Variants in KIR3DL1 observed in about 807,000 individuals in gnomAD.
KIR3DL1 encodes the protein killer cell immunoglobulin like receptor, three Ig domains and long cytoplasmic tail 1, also known as killer cell immunoglobulin-like receptor 3DL1.
Under a neutral mutation model 40.3 loss-of-function variants are expected in KIR3DL1, and 50 were observed. The ratio of observed to expected loss-of-function variants is 1.24; its 90% CI spans 0.99 to 1.57. The LOEUF is 1.57. Ranked by LOEUF, KIR3DL1 falls within the 40% of genes most tolerant of loss-of-function variation. The pLI is 0.00. For synonymous variants in KIR3DL1, 257 were observed against 207.2 expected, an observed-to-expected ratio of 1.24 and a Z score of -2.07; for missense variants, 661 against 559.9, an observed-to-expected ratio of 1.18 and a Z score of -1.82.
chr19:54,828,095 C>T (rs1468765565), intron 6 of KIR3DL1, among the ~76,000 whole-genome samples: 2 of 150,744 alleles, frequency 1.3e-5, no homozygotes, highest in Non-Finnish European at 2.9e-5. Flanking sequence ...GTCCTTCCCC[C>T]AGCCTCTGAG....
chr19:54,823,539 C>A (rs2061740667), intron 5 of KIR3DL1, among the ~76,000 whole-genome samples: 1 of 151,136 alleles, frequency 6.6e-6, no homozygotes, highest in African/African-American at 2.4e-5. Context: ...TCATAGTCTC[C>A]CAGGCTGGAG....
chr19:54,828,655 C>CT (rs2062034586), intron 6 of KIR3DL1, among the ~76,000 whole-genome samples: 1 of 139,752 alleles, frequency 7.2e-6, no homozygotes, highest in African/African-American at 2.7e-5. Flanking sequence ...GCATGACGTC[C>CT]TCCTCCAGGA....
intron 3 of KIR3DL1, among the ~76,000 whole-genome samples, chr19:54,818,821 A>AGGG (rs2061489576): frequency 6.6e-6 from 1 of 150,988 alleles, no homozygotes; most frequent in African/African-American, 2.4e-5. Flanking sequence ...GTTACAGGGC[A>AGGG]GGGGACTGAA....
chr19:54,820,767 G>C (rs867950010), intron 4 of KIR3DL1, among the ~76,000 whole-genome samples: 2 of 150,992 alleles, frequency 1.3e-5, no homozygotes, highest in South Asian at 2.1e-4. Context: ...GGAGAGAAAA[G>C]CCCCAAAATC....
At position 54,822,651 on chromosome 19, in the gene KIR3DL1, TC is replaced by T. The variant is rs550413823; in HGVS notation, c.949+794del. Among the ~76,000 whole-genome samples the T allele has an allele frequency of 1.3e-4, 20 of 151,048 alleles. 2 individuals are homozygous for T. In the South Asian group the frequency reaches 3.8e-3, roughly 29 times the overall value. ...TCTAAATAAATAAATACATCTATAT[TC>T]TTTTTTTTGTTACCCTCCACCCTTC... is the stretch of plus-strand genomic sequence containing the variant. On this transcript the variant is annotated intron_variant, in intron 5 of 8. Coordinates refer to ENST00000391728, the Ensembl canonical transcript of KIR3DL1.
intron 4 of KIR3DL1, among the ~76,000 whole-genome samples, chr19:54,820,685 A>G (rs1370929366): frequency 1.3e-5 from 2 of 151,386 alleles, no homozygotes; most frequent in East Asian, 1.9e-4. Flanking sequence ...AGCCAGAAGA[A>G]GGAGATTAAG....
intron 6 of KIR3DL1, among the ~76,000 whole-genome samples, chr19:54,828,081 G>A (rs1352442967): frequency 6.7e-6 from 1 of 149,506 alleles, no homozygotes; most frequent in Admixed American, 6.7e-5. Context: ...TAGTCGAGGG[G>A]GTGGTCCTTC....
intron 3 of KIR3DL1, among the ~76,000 whole-genome samples, 167 bp from the exon 4 acceptor site, chr19:54,819,546 G>A (rs2061524435): frequency 1.3e-5 from 2 of 151,338 alleles, no homozygotes; most frequent in South Asian, 4.2e-4. Context: ...GAGGGAGGAA[G>A]ACAGATGGAG....
chr19:54,829,298 A>G (rs1484292676), intron 6 of KIR3DL1, 63 bp from the exon 7 acceptor site: 161 of 1,270,608 alleles, frequency 1.3e-4, no homozygotes, highest in Middle Eastern at 2.0e-4. Context: ...CAAGAAATGC[A>G]AGACAATTCA....
chr19:54,818,368 G>C (rs1403045485), exon 3 of KIR3DL1: 2 of 1,606,020 alleles, frequency 1.2e-6, no homozygotes, highest in Non-Finnish European at 1.7e-6. Context: ...GGTGCCTCGA[G>C]GAGGACACGT....
intron 6 of KIR3DL1, 54 bp downstream of exon 6, chr19:54,825,132 C>T: frequency 8.4e-7 from 1 of 1,193,708 alleles, no homozygotes; most frequent in Non-Finnish European, 1.2e-6. Flanking sequence ...GAGGTGGAAG[C>T]CTTGGATGCA....
intron 2 of KIR3DL1, among the ~76,000 whole-genome samples, chr19:54,818,000 C>T (rs1176455189): frequency 6.7e-6 from 1 of 148,910 alleles, no homozygotes; most frequent in Non-Finnish European, 1.5e-5. Context: ...GGGCTCAGTT[C>T]ATCAATTGGC....
At chr19:54,823,295 C>T (rs1355210661) in intron 5 of KIR3DL1, among the ~76,000 whole-genome samples, 2 of 151,026 alleles carry the variant, frequency 1.3e-5, no homozygotes, top group Non-Finnish European at 2.9e-5. Context: ...CCTCGGTTTC[C>T]CAAAGTGCTG....
chr19:54,824,703 G>A (rs142644053), intron 5 of KIR3DL1, among the ~76,000 whole-genome samples: 6 of 150,862 alleles, frequency 4.0e-5, no homozygotes, highest in Admixed American at 4.0e-4. Flanking sequence ...GCCATTGGAT[G>A]TAAATGCATG....
intron 6 of KIR3DL1, among the ~76,000 whole-genome samples, chr19:54,826,255 A>T (rs1185874770): frequency 5.3e-5 from 8 of 150,060 alleles, no homozygotes; most frequent in African/African-American, 2.0e-4. Context: ...TGAGTGCACA[A>T]GTGGACCAAT....
intron 6 of KIR3DL1, among the ~76,000 whole-genome samples, chr19:54,827,337 A>G (rs1407295584): frequency 6.6e-6 from 1 of 151,082 alleles, no homozygotes; most frequent in South Asian, 2.1e-4. Flanking sequence ...CACTCCTGTA[A>G]CCCAGCACTG....
At chr19:54,818,041 C>T (rs1313923925) in intron 2 of KIR3DL1, among the ~76,000 whole-genome samples, 1 of 148,906 alleles carries the variant, frequency 6.7e-6, no homozygotes, top group Non-Finnish European at 1.5e-5. Flanking sequence ...ACTTGCCCTC[C>T]ATGCCGTGTC....
At chr19:54,817,685 A>T in intron 2 of KIR3DL1, 116 bp downstream of exon 2, 2 of 811,216 alleles carry the variant, frequency 2.5e-6, no homozygotes, top group Admixed American at 4.8e-5. Flanking sequence ...GGACCCTCGG[A>T]TGCTCGGCCC....
Position 54,825,024 on chromosome 19 carries a change from C to G in KIR3DL1, c.950-4C>G. ...CCTCACATCTCTCCTGTCCCATGTT[C>G]TAGGAAACCCTTCAAGTAGTTGGCC... On this transcript the variant is annotated splice_polypyrimidine_tract_variant and splice_region_variant and intron_variant, in intron 5 of 8. Transcript: ENST00000391728. 1 of 1,503,458 alleles carries G rather than the reference C, an allele frequency of 6.7e-7. No homozygotes were observed. The highest frequency in any genetic ancestry group is 2.2e-5 in the East Asian group (1 of 44,496). 93.1% of individuals were successfully genotyped at this position (1,503,458 alleles called of 1,614,324 possible).
Sources: gnomAD v4.1 joint callset for allele counts (sites outside exome capture counted in the v4.1 genomes callset) on GRCh38, gnomAD v4.1.1 for gene constraint, MANE v1.5 for transcripts, NCBI Gene and HGNC (gene_info 2026-07-23, HGNC 2026-07-21) for gene names.